CHMP6: variants seen among roughly 807,000 people sequenced by gnomAD.
CHMP6 encodes charged multivesicular body protein 6, also known as chromatin-modifying protein 6.
CHMP6 carries 10 observed loss-of-function variants against 32.8 expected under a neutral mutation model. That is an observed-to-expected ratio of 0.30 (90% CI 0.19 to 0.52). The LOEUF is 0.52. Ranked by LOEUF, CHMP6 falls within the 20% of genes least tolerant of loss-of-function variation. CHMP6 has a pLI of 0.97. For missense variants in CHMP6, 269 were observed against 263.8 expected, an observed-to-expected ratio of 1.02 and a Z score of -0.14; for synonymous variants, 123 against 105.8, an observed-to-expected ratio of 1.16 and a Z score of -1.00.
chr17:80,995,133 A>C (rs763099502), intron 3 of CHMP6, 27 bp downstream of exon 3: 1 of 1,580,500 alleles, frequency 6.3e-7, no homozygotes, highest in South Asian at 1.2e-5. Flanking sequence ...TTCGCCCTGG[A>C]GTGCAGGTGC....
chr17:80,992,181 C>T (rs1333233067), intron 1 of CHMP6, among the ~76,000 whole-genome samples, 200 bp downstream of exon 1: 1 of 151,342 alleles, frequency 6.6e-6, no homozygotes, highest in Non-Finnish European at 1.5e-5. Context: ...GGGTCTCCTG[C>T]GCGGCGCCGT....
chr17:80,999,219 C>T lies in CHMP6; in HGVS notation c.*66C>T. Reference sequence around the variant, plus strand: ...ACTGTGGCCCACAGAGAGTTTGGGTCACGGCCAGCCCCTGACCGGGTTCCC... The same window carrying T: ...ACTGTGGCCCACAGAGAGTTTGGGTTACGGCCAGCCCCTGACCGGGTTCCC... On this transcript the variant is annotated 3_prime_UTR_variant, in exon 8 of 8. Coordinates refer to ENST00000325167, the MANE Select transcript of CHMP6 (RefSeq NM_024591.5). The T allele has an allele frequency of 6.3e-7, 1 of 1,589,036 alleles. No homozygotes were observed. The highest frequency in any genetic ancestry group is 8.6e-7 in the Non-Finnish European group (1 of 1,158,414).
rs775106037 is a variant in CHMP6 at position 80,991,877 on chromosome 17, C to A, written c.-42C>A. The A allele has an allele frequency of 6.6e-6, 9 of 1,365,100 alleles. No individual in the cohort carries two copies. In the African/African-American group the frequency reaches 1.2e-4, roughly 18 times the overall value. The allele number at this position is 1,365,100 out of a possible 1,614,324, so 84.6% of individuals were successfully genotyped here. On this transcript the variant is annotated 5_prime_UTR_variant, in exon 1 of 8. Coordinates refer to ENST00000325167, the MANE Select transcript of CHMP6 (RefSeq NM_024591.5). Reference sequence around the variant, plus strand: ...TACGGTGGCCGCGGGGCGGCGGTGGCGATTGGACTTGGTGGGTCCCGGGCC... The same window carrying A: ...TACGGTGGCCGCGGGGCGGCGGTGGAGATTGGACTTGGTGGGTCCCGGGCC...
chr17:80,996,859 C>A, intron 4 of CHMP6, 148 bp from the exon 5 acceptor site: 2 of 790,044 alleles, frequency 2.5e-6, no homozygotes, highest in African/African-American at 1.8e-5. Flanking sequence ...TGAGCCCAGC[C>A]TGGGCAACAC....
chr17:80,999,304 G>T lies in CHMP6; in HGVS notation c.*151G>T. The T allele has an allele frequency of 1.3e-6, 1 of 784,502 alleles. No homozygotes were observed. 48.6% of individuals were successfully genotyped at this position (784,502 alleles called of 1,614,324 possible). ...CAGCCACGCAGGCGCATTGCAGGAG[G>T]ACTCCAGAGCGTCTCCTGGAGACCT... On this transcript the variant is annotated 3_prime_UTR_variant, in exon 8 of 8. Coordinates refer to ENST00000325167, the MANE Select transcript of CHMP6 (RefSeq NM_024591.5).
chr17:80,998,493 C>A (rs374559574), intron 7 of CHMP6, 73 bp downstream of exon 7: 25 of 1,611,528 alleles, frequency 1.6e-5, no homozygotes, highest in Admixed American at 5.0e-5. Flanking sequence ...GGGAACAAGA[C>A]AGAATGCTCC....
intron 3 of CHMP6, 115 bp from the exon 4 acceptor site, chr17:80,995,557 C>A: frequency 1.2e-6 from 1 of 810,694 alleles, no homozygotes. Flanking sequence ...CAGGAGTCAC[C>A]CTCACGCCCA....
intron 4 of CHMP6, among the ~76,000 whole-genome samples, chr17:80,996,408 A>G (rs1045127565): frequency 1.3e-5 from 2 of 151,940 alleles, no homozygotes; most frequent in Non-Finnish European, 1.5e-5. Flanking sequence ...GCGTGGCCAT[A>G]CCACGTTCCC....
At position 80,994,567 on chromosome 17, in the gene CHMP6, C is replaced by T. The variant is rs1259392199; in HGVS notation, c.64-14C>T. The T allele has an allele frequency of 6.4e-7, 1 of 1,553,576 alleles. No homozygotes were observed. Among genetic ancestry groups the T allele is most frequent in the East Asian group, 2.4e-5 (1 of 41,912 alleles). On this transcript the variant is annotated splice_polypyrimidine_tract_variant and intron_variant, in intron 1 of 7. Coordinates refer to ENST00000325167, the MANE Select transcript of CHMP6 (RefSeq NM_024591.5). ...TGTGGGCTCGGTGACGCCAGGCCCTCTCTCTCTTGGCAGCAACTGAAGCAG... is the reference window on the plus strand; with the variant it reads ...TGTGGGCTCGGTGACGCCAGGCCCTTTCTCTCTTGGCAGCAACTGAAGCAG...
Position 80,996,322 on chromosome 17 carries a change from G to GAAA in CHMP6, c.348+574_348+576dup, listed in dbSNP as rs530050854. The stretch of plus-strand genomic sequence containing the variant: ...TGATAAGAGCAAAACTCCGTCTCAG[G>GAAA]AAAAAAAAAAAAGAAGGCTTCCTGG... On this transcript the variant is annotated intron_variant, in intron 4 of 7. Transcript: ENST00000325167. Among the ~76,000 whole-genome samples the GAAA allele has an allele frequency of 1.4e-4, 20 of 142,146 alleles. 1 individual carries two copies. Among genetic ancestry groups the GAAA allele is most frequent in the South Asian group, 6.7e-4 (3 of 4,488 alleles). 93.3% of individuals were successfully genotyped at this position (142,146 alleles called of 152,430 possible). A position where few individuals can be genotyped will look rare whatever the true frequency, so the allele number is the denominator to read the frequency against.
At chr17:80,997,994 C>T (rs962001249) in intron 6 of CHMP6, among the ~76,000 whole-genome samples, 5 of 152,254 alleles carry the variant, frequency 3.3e-5, no homozygotes, top group African/African-American at 9.6e-5. Flanking sequence ...GCTGGGACAG[C>T]GTTGTACCGC....
intron 3 of CHMP6, 102 bp from the exon 4 acceptor site, chr17:80,995,570 A>T: frequency 1.0e-6 from 1 of 959,060 alleles, no homozygotes; most frequent in Non-Finnish European, 1.6e-6. Flanking sequence ...CACGCCCAGC[A>T]GCACCCGCCC....
chr17:80,992,210 G>C (rs2144143575), intron 1 of CHMP6, among the ~76,000 whole-genome samples: 1 of 151,598 alleles, frequency 6.6e-6, no homozygotes, highest in African/African-American at 2.4e-5. Context: ...TCTTCCCCGG[G>C]GCCCGCGCGT....
chr17:80,994,498 C>T (rs987523385), intron 1 of CHMP6, 83 bp from the exon 2 acceptor site: 41 of 1,266,240 alleles, frequency 3.2e-5, no homozygotes, highest in South Asian at 4.2e-5. Flanking sequence ...GAGGGCCGCC[C>T]GGCCTCCATG....
Position 80,999,131 on chromosome 17 carries a change from C to T in CHMP6, c.584C>T (p.Ala195Val), listed in dbSNP as rs374101426. Reference protein sequence around the residue: ...NVPVKARPRQAELVAAS With the variant: ...NVPVKARPRQVELVAAS Reference sequence around the variant, plus strand: ...CCTGTCAAGGCCAGGCCCAGGCAGGCGGAGCTGGTGGCAGCTTCGTAACGT... The same window carrying T: ...CCTGTCAAGGCCAGGCCCAGGCAGGTGGAGCTGGTGGCAGCTTCGTAACGT... Residue 195 changes from alanine (A) to valine (V), a missense_variant, in exon 8 of 8, where the codon GCG (alanine) becomes GTG (valine). Coordinates refer to ENST00000325167, the MANE Select transcript of CHMP6 (RefSeq NM_024591.5). The T allele has an allele frequency of 7.7e-5, 124 of 1,613,928 alleles. No individual in the cohort carries two copies. The highest frequency in any genetic ancestry group is 9.6e-5 in the Non-Finnish European group (113 of 1,179,964).
intron 6 of CHMP6, 39 bp downstream of exon 6, chr17:80,997,380 A>AGTGGG: frequency 6.4e-7 from 1 of 1,572,532 alleles, no homozygotes; most frequent in Non-Finnish European, 8.7e-7. Flanking sequence ...TCACTCAGGC[A>AGTGGG]GCGGGACCCC....
At chr17:80,998,488 C>T in intron 7 of CHMP6, 68 bp downstream of exon 7, 1 of 1,613,234 alleles carries the variant, frequency 6.2e-7, no homozygotes, top group East Asian at 2.2e-5. Flanking sequence ...TAGAAGGGAA[C>T]AAGACAGAAT....
At position 80,999,968 on chromosome 17, in the gene CHMP6, T is replaced by C. The variant is rs13507; in HGVS notation, c.*815T>C. On this transcript the variant is annotated 3_prime_UTR_variant, in exon 8 of 8. Coordinates refer to ENST00000325167, the MANE Select transcript of CHMP6 (RefSeq NM_024591.5). ...TCCCCGAGCCACCAGCAGCCAGGAC[T>C]GGAGGCTGTGGGGCATGGCGTGACT... The C allele has an allele frequency of 0.72, 109,123 of 152,270 alleles. 40,137 individuals are homozygous for C. Among genetic ancestry groups the C allele is most frequent in the African/African-American group, 0.89 (36,958 of 41,542 alleles). 9.4% of individuals were successfully genotyped at this position (152,270 alleles called of 1,614,324 possible).
In CHMP6 at chr17:80,996,679, G is replaced by A. The variant is rs567546447; in HGVS notation, c.349-328G>A. Among the ~76,000 whole-genome samples the A allele has an allele frequency of 2.2e-4, 33 of 152,316 alleles. No homozygotes were observed. In the East Asian group the frequency reaches 5.6e-3, roughly 26 times the overall value. ...CTGACTCAGGGTGAGAGGGGGCATC[G>A]GGCGCCAGGGCAGTGCAGTCGTGGC... is the stretch of plus-strand genomic sequence containing the variant. On this transcript the variant is annotated intron_variant, in intron 4 of 7. Coordinates refer to ENST00000325167, the MANE Select transcript of CHMP6 (RefSeq NM_024591.5).
Sources: gnomAD v4.1 joint callset for allele counts (sites outside exome capture counted in the v4.1 genomes callset) on GRCh38, gnomAD v4.1.1 for gene constraint, MANE v1.5 for transcripts, NCBI Gene and HGNC (gene_info 2026-07-23, HGNC 2026-07-21) for gene names.